The following CCDC171 variants were observed in gnomAD, a reference collection of about 807,000 sequenced individuals.
The protein encoded by CCDC171 is coiled-coil domain-containing protein 171.
CCDC171 carries 177 observed loss-of-function variants against 168.2 expected under a neutral mutation model. The ratio of observed to expected loss-of-function variants is 1.05; its 90% CI spans 0.93 to 1.19. The LOEUF is 1.19. CCDC171 is among the 50% of genes most tolerant of loss of function. The probability of loss-of-function intolerance (pLI) is 0.00; values close to 1 mark genes in which losing one functional copy is unlikely to be tolerated. For missense variants in CCDC171, 1,991 were observed against 1,539.0 expected (o/e 1.29, Z -4.91); for synonymous variants, 687 against 540.8 (o/e 1.27, Z -3.75).
chr9:16,091,441 C>T, the CCDC171 span, among the ~76,000 whole-genome samples: 2 of 152,290 alleles, frequency 1.3e-5, no homozygotes, highest in South Asian at 2.1e-4. Flanking sequence ...ATGCTGAAGT[C>T]ATGAAATTGG....
chr9:15,733,094 T>G (rs2054254781), intron 16 of CCDC171, among the ~76,000 whole-genome samples: 1 of 152,204 alleles, frequency 6.6e-6, no homozygotes, highest in African/African-American at 2.4e-5. Flanking sequence ...ATGTGTTTAT[T>G]TGCTATCTGT....
chr9:16,011,969 A>G (rs1197963767), intron 3 of CCDC171, among the ~76,000 whole-genome samples: 2 of 152,188 alleles, frequency 1.3e-5, no homozygotes, highest in Non-Finnish European at 2.9e-5. Context: ...CCAGTGGGCC[A>G]GTGTCCCTTT....
At chr9:15,583,373 C>G (rs1198068693) in intron 4 of CCDC171, among the ~76,000 whole-genome samples, 1 of 144,588 alleles carries the variant, frequency 6.9e-6, no homozygotes, top group African/African-American at 2.6e-5. Context: ...GATCGCACCA[C>G]TGCAGTCCAG....
chr9:16,075,379 A>G, the CCDC171 span, among the ~76,000 whole-genome samples: 1 of 152,114 alleles, frequency 6.6e-6, no homozygotes, highest in Non-Finnish European at 1.5e-5. Context: ...TACCTACATA[A>G]TCGCTTGTCT....
chr9:15,686,602 C>A (rs1433225003), intron 10 of CCDC171, among the ~76,000 whole-genome samples: 1 of 151,728 alleles, frequency 6.6e-6, no homozygotes, highest in African/African-American at 2.4e-5. Context: ...TAAAAAAAAA[C>A]TGGAGTGGAT....
chr9:15,600,769 T>A (rs527490138), intron 6 of CCDC171, among the ~76,000 whole-genome samples: 1 of 152,332 alleles, frequency 6.6e-6, no homozygotes, highest in East Asian at 1.9e-4. Context: ...CTCCTTGAGC[T>A]GCGGTGGGCT....
chr9:15,847,409 C>T (rs754470909), intron 22 of CCDC171, among the ~76,000 whole-genome samples: 3 of 151,698 alleles, frequency 2.0e-5, no homozygotes, highest in Non-Finnish European at 2.9e-5. Flanking sequence ...CAGAGTAGAC[C>T]ACTATGTAAA....
intron 1 of CCDC171, among the ~76,000 whole-genome samples, chr9:15,554,045 A>T (rs1320704726): frequency 7.1e-6 from 1 of 141,484 alleles, no homozygotes; most frequent in African/African-American, 2.7e-5. Context: ...TTTGAGATGG[A>T]GTCTTGCTCT....
intron 3 of CCDC171, among the ~76,000 whole-genome samples, chr9:15,993,934 A>AT (rs1486660170): frequency 6.6e-6 from 1 of 152,208 alleles, no homozygotes; most frequent in African/African-American, 2.4e-5. Context: ...AAGTCAGGAA[A>AT]TAACAGGTGA....
chr9:15,662,840 G>C (rs191256357), intron 8 of CCDC171, among the ~76,000 whole-genome samples: 11 of 151,958 alleles, frequency 7.2e-5, no homozygotes, highest in Admixed American at 2.0e-4. Context: ...AATTAGCTGG[G>C]TGTGGTGGCA....
chr9:15,574,640 C>T (rs556001345), intron 3 of CCDC171, among the ~76,000 whole-genome samples: 84 of 152,234 alleles, frequency 5.5e-4, no homozygotes, highest in African/African-American at 2.0e-3. Context: ...AATTTTTTAG[C>T]CATATAATCT....
At position 15,894,165 on chromosome 9, in the gene CCDC171, C is replaced by G. The variant is rs150967627; in HGVS notation, c.3600+19502C>G. Reference sequence around the variant, plus strand: ...GCTGGAAGCCATTATCCTTAACAAACTAACATAGGAACAGAAAACCAAATA... The same window carrying G: ...GCTGGAAGCCATTATCCTTAACAAAGTAACATAGGAACAGAAAACCAAATA... On this transcript the variant is annotated intron_variant, in intron 24 of 25. Coordinates refer to ENST00000380701, the MANE Select transcript of CCDC171 (RefSeq NM_173550.4). Among the ~76,000 whole-genome samples the G allele has an allele frequency of 2.3e-3, 357 of 152,238 alleles. 2 individuals are homozygous for G. Among genetic ancestry groups the G allele is most frequent in the African/African-American group, 8.0e-3 (334 of 41,532 alleles).
At chr9:15,830,124 A>G (rs1009569542) in intron 21 of CCDC171, among the ~76,000 whole-genome samples, 2 of 152,182 alleles carry the variant, frequency 1.3e-5, no homozygotes, top group African/African-American at 4.8e-5. Context: ...TCCTTGCTGG[A>G]ATGCTGTTTG....
chr9:15,617,871 C>T (rs2044207246), intron 6 of CCDC171, among the ~76,000 whole-genome samples: 1 of 152,162 alleles, frequency 6.6e-6, no homozygotes, highest in South Asian at 2.1e-4. Flanking sequence ...CTGCTCCTTC[C>T]TCCGGAAGCT....
intron 7 of CCDC171, among the ~76,000 whole-genome samples, chr9:15,628,345 G>T (rs865875976): frequency 6.6e-6 from 1 of 152,130 alleles, no homozygotes; most frequent in South Asian, 2.1e-4. Context: ...CTTTTCCGAC[G>T]GGCTTAAAAA....
intron 2 of CCDC171, among the ~76,000 whole-genome samples, chr9:15,565,981 T>C (rs895912967): frequency 2.6e-5 from 4 of 152,220 alleles, no homozygotes; most frequent in Admixed American, 1.3e-4. Context: ...CTAGCAATAA[T>C]TGAGGGTTTT....
At chr9:16,046,510 A>G (rs1189615015) in intron 1 of CCDC171, among the ~76,000 whole-genome samples, 3 of 152,198 alleles carry the variant, frequency 2.0e-5, no homozygotes, top group Admixed American at 6.5e-5. Context: ...CTAGACCTTG[A>G]CATTTGACAC....
intron 22 of CCDC171, among the ~76,000 whole-genome samples, chr9:15,847,346 T>C (rs571389546): frequency 6.6e-6 from 1 of 152,186 alleles, no homozygotes; most frequent in East Asian, 1.9e-4. Context: ...GGAAAACTCA[T>C]TTAATTTTTA....
intron 6 of CCDC171, among the ~76,000 whole-genome samples, chr9:15,621,818 A>G (rs773158494): frequency 6.6e-6 from 1 of 152,218 alleles, no homozygotes; most frequent in East Asian, 1.9e-4. Flanking sequence ...TACCACAAAG[A>G]CACGTGGCAT....
Sources: gnomAD v4.1 joint callset for allele counts (sites outside exome capture counted in the v4.1 genomes callset) on GRCh38, gnomAD v4.1.1 for gene constraint, MANE v1.5 for transcripts, NCBI Gene and HGNC (gene_info 2026-07-23, HGNC 2026-07-21) for gene names.